The following CWC27 variants were observed in gnomAD, a reference collection of about 807,000 sequenced individuals.
CWC27 encodes the protein spliceosome-associated protein CWC27 homolog.
A neutral mutation model predicts 63.6 loss-of-function variants in CWC27; 47 were observed. That is an observed-to-expected ratio of 0.74 (90% CI 0.58 to 0.94). CWC27 has a LOEUF of 0.94. Ranked by LOEUF, CWC27 falls within the 40% of genes least tolerant of loss-of-function variation. CWC27 has a pLI of 0.00. For synonymous variants in CWC27, 175 were observed against 179.8 expected, an observed-to-expected ratio of 0.97 and a Z score of 0.22; for missense variants, 495 against 554.3, an observed-to-expected ratio of 0.89 and a Z score of 1.07.
intron 10 of CWC27, among the ~76,000 whole-genome samples, chr5:64,870,606 A>G (rs559918702): frequency 9.2e-5 from 14 of 152,116 alleles, no homozygotes; most frequent in Non-Finnish European, 1.5e-4. Flanking sequence ...AGAAAGAATG[A>G]TGAATCATAA....
chr5:64,988,642 T>C lies in CWC27; in HGVS notation c.1256+11404T>C, dbSNP rs376028922. Among the ~76,000 whole-genome samples the C allele has an allele frequency of 2.6e-5, 4 of 151,490 alleles. No homozygotes were observed. The East Asian group carries it at 7.7e-4, about 29-fold the overall frequency. ...TTTTGAGACGGGGTTTTACTCTTGT[T>C]GCCCAGGCTGTAGTGCAATGGTGCA... On this transcript the variant is annotated intron_variant, in intron 13 of 13. Coordinates refer to ENST00000381070, the MANE Select transcript of CWC27 (RefSeq NM_005869.4).
intron 13 of CWC27, among the ~76,000 whole-genome samples, chr5:64,985,623 A>G (rs1749411026): frequency 6.6e-6 from 1 of 152,214 alleles, no homozygotes. Flanking sequence ...TACCTGCAAC[A>G]TTGTGAAACT....
intron 10 of CWC27, chr5:64,804,662 T>C: frequency 4.0e-6 from 1 of 251,534 alleles, no homozygotes; most frequent in Non-Finnish European, 7.5e-6. Flanking sequence ...AGGGTAATAA[T>C]GTATTAGCTA....
At chr5:64,979,709 A>C (rs555420750) in intron 13 of CWC27, among the ~76,000 whole-genome samples, 108 of 152,324 alleles carry the variant, frequency 7.1e-4, no homozygotes, top group Non-Finnish European at 1.3e-3. Context: ...AAAGTCAGCC[A>C]TTGTGCTGTA....
chr5:65,017,043 C>T (rs1326632132), intron 13 of CWC27, among the ~76,000 whole-genome samples: 3 of 151,974 alleles, frequency 2.0e-5, no homozygotes, highest in Non-Finnish European at 4.4e-5. Context: ...AACTTTTCGC[C>T]GGGCACGGTG....
chr5:64,867,300 A>T lies in CWC27; in HGVS notation c.939-18143A>T, dbSNP rs79838817. Among the ~76,000 whole-genome samples, 13 of 152,172 alleles carry T rather than the reference A, an allele frequency of 8.5e-5. No individual in the cohort carries two copies. In the East Asian group the frequency reaches 2.3e-3, roughly 27 times the overall value. On this transcript the variant is annotated intron_variant, in intron 10 of 13. Transcript: ENST00000381070. ...ACTTAGAAATAGGAGGATATAACTG[A>T]TGCTTGCTTTTGGTATTATTATATT...
intron 11 of CWC27, among the ~76,000 whole-genome samples, chr5:64,896,526 C>A (rs1434429129): frequency 6.6e-6 from 1 of 151,934 alleles, no homozygotes; most frequent in Non-Finnish European, 1.5e-5. Flanking sequence ...CATTCTACGG[C>A]CCTTTTATTG....
intron 11 of CWC27, among the ~76,000 whole-genome samples, chr5:64,890,460 G>A (rs964864040): frequency 1.3e-5 from 2 of 152,044 alleles, no homozygotes; most frequent in African/African-American, 4.8e-5. Flanking sequence ...TTAGCTCTGT[G>A]TTCTACTTAA....
chr5:64,966,645 A>G (rs756234238), intron 11 of CWC27, among the ~76,000 whole-genome samples: 4 of 152,118 alleles, frequency 2.6e-5, no homozygotes, highest in Non-Finnish European at 2.9e-5. Context: ...TAAAGATGCC[A>G]TGCTCACTGG....
At chr5:64,937,921 C>CTTTTTTTTTTTTTTTTTTTT (rs1211082437) in intron 11 of CWC27, among the ~76,000 whole-genome samples, 7 of 99,302 alleles carry the variant, frequency 7.0e-5, no homozygotes, top group African/African-American at 2.2e-4. Flanking sequence ...GCAATCTCTG[C>CTTTTTTTTTTTTTTTTTTTT]TTTTTTTTTT....
At chr5:64,944,104 C>T (rs1561165773) in intron 11 of CWC27, among the ~76,000 whole-genome samples, 1 of 151,904 alleles carries the variant, frequency 6.6e-6, no homozygotes, top group Non-Finnish European at 1.5e-5. Context: ...TTCTTTCTGT[C>T]CTGTATTATC....
At chr5:64,865,469 A>G (rs1746510581) in intron 10 of CWC27, among the ~76,000 whole-genome samples, 2 of 152,088 alleles carry the variant, frequency 1.3e-5, no homozygotes, top group South Asian at 4.1e-4. Context: ...ATAGCATAGG[A>G]TTTGACATAA....
chr5:64,815,801 TG>T (rs1352737484), intron 10 of CWC27, among the ~76,000 whole-genome samples: 1 of 152,200 alleles, frequency 6.6e-6, no homozygotes, highest in African/African-American at 2.4e-5. Context: ...AAGAATACAG[TG>T]GATATCTTCC....
rs115068813 is a variant in CWC27 at position 64,868,129 on chromosome 5, A to G, written c.939-17314A>G. 1.6e-3 allele frequency among the ~76,000 whole-genome samples: 242 copies of G among 152,202 alleles called. 2 individuals carry two copies. Among genetic ancestry groups the G allele is most frequent in the African/African-American group, 4.8e-3 (201 of 41,566 alleles). Reference sequence around the variant, plus strand: ...ATTGAAAATTCATCAAGAAATTGCCAAGATTCTAGAAGACTACATTCTTCA... The same window carrying G: ...ATTGAAAATTCATCAAGAAATTGCCGAGATTCTAGAAGACTACATTCTTCA... On this transcript the variant is annotated intron_variant, in intron 10 of 13. Coordinates refer to ENST00000381070, the MANE Select transcript of CWC27 (RefSeq NM_005869.4).
intron 10 of CWC27, 71 bp from the exon 11 acceptor site, chr5:64,885,372 G>T: frequency 9.8e-7 from 1 of 1,017,792 alleles, no homozygotes; most frequent in Non-Finnish European, 1.4e-6. Flanking sequence ...GTATACCAAT[G>T]ATTCTGTTTT....
chr5:64,853,257 C>T (rs12655239), intron 10 of CWC27, among the ~76,000 whole-genome samples: 53,563 of 151,956 alleles, frequency 0.35, 9,884 homozygotes, highest in East Asian at 0.51. Context: ...AATAAATTAA[C>T]TTTATTGCTT....
chr5:64,926,102 A>G (rs1218924372), intron 11 of CWC27, among the ~76,000 whole-genome samples: 2 of 152,194 alleles, frequency 1.3e-5, no homozygotes, highest in African/African-American at 4.8e-5. Flanking sequence ...TTTTCTGGCT[A>G]TCCCAGTGAA....
At chr5:64,917,531 G>T (rs1461458139) in intron 11 of CWC27, among the ~76,000 whole-genome samples, 1 of 152,164 alleles carries the variant, frequency 6.6e-6, no homozygotes, top group South Asian at 2.1e-4. Flanking sequence ...TTCTCTGTGT[G>T]TCTGTGAAGG....
intron 9 of CWC27, among the ~76,000 whole-genome samples, chr5:64,801,985 C>T (rs1379063811): frequency 1.3e-5 from 2 of 152,174 alleles, no homozygotes; most frequent in African/African-American, 2.4e-5. Context: ...AGAGAAGGCT[C>T]TCTATGGCTA....
Sources: allele counts gnomAD v4.1 joint callset (sites outside exome capture counted in the v4.1 genomes callset), GRCh38; gene constraint gnomAD v4.1.1; transcripts MANE v1.5; gene names NCBI Gene and HGNC (gene_info 2026-07-23, HGNC 2026-07-21).